The following TNFAIP8 variants were observed in gnomAD, a reference collection of about 807,000 sequenced individuals.
TNFAIP8 encodes the protein tumor necrosis factor alpha-induced protein 8.
A neutral mutation model predicts 13.3 loss-of-function variants in TNFAIP8; 7 were observed. The observed-to-expected ratio is 0.52, with a 90% CI of 0.30 to 0.99. TNFAIP8 has a LOEUF of 0.99. Among genes scored for constraint, TNFAIP8 ranks in the 50% least tolerant of loss-of-function variants. The pLI, the probability that TNFAIP8 is intolerant of heterozygous loss-of-function variation, is 0.07. For missense variants in TNFAIP8, 258 were observed against 236.9 expected, an observed-to-expected ratio of 1.09 and a Z score of -0.58; for synonymous variants, 94 against 87.6, an observed-to-expected ratio of 1.07 and a Z score of -0.41.
intron 1 of TNFAIP8, among the ~76,000 whole-genome samples, chr5:119,326,470 C>CCCAGAGGCAAA (rs1181862208): frequency 6.6e-6 from 1 of 152,124 alleles, no homozygotes; most frequent in African/African-American, 2.4e-5. Context: ...AACAGTGAAG[C>CCCAGAGGCAAA]ACGGTGGGGG....
In TNFAIP8 at chr5:119,393,042, T is replaced by C. The variant is rs754520899; in HGVS notation, c.258T>C (p.Tyr86=). 1.6e-5 allele frequency: 26 copies of C among 1,613,688 alleles called. No homozygotes were observed. The highest frequency in any genetic ancestry group is 6.7e-5 in the Admixed American group (4 of 59,962). Reference sequence around the variant, plus strand: ...CAGTCATCAAGCTGGCCATTCTTTATAGGAATAATCAGTTTAATCAAGATG... The same window carrying C: ...CAGTCATCAAGCTGGCCATTCTTTACAGGAATAATCAGTTTAATCAAGATG... The part of the protein sequence containing the change: ...IKTVIKLAIL[Y]RNNQFNQDEL... The change falls in exon 2 of 2, where the codon TAT becomes TAC. Residue 86 remains tyrosine, a synonymous_variant. Transcript: ENST00000504771.
chr5:119,363,933 AG>A (rs1751731079), intron 1 of TNFAIP8, among the ~76,000 whole-genome samples: 1 of 152,216 alleles, frequency 6.6e-6, no homozygotes, highest in African/African-American at 2.4e-5. Flanking sequence ...CATGAAACTC[AG>A]GGAAACATTT....
At chr5:119,379,385 A>G (rs62375120) in intron 1 of TNFAIP8, among the ~76,000 whole-genome samples, 2,575 of 152,352 alleles carry the variant, frequency 0.017, 46 homozygotes, top group Non-Finnish European at 0.03. Context: ...TTCACAAGAC[A>G]GAAAAGCAGG....
chr5:119,305,082 G>A (rs983131859), intron 1 of TNFAIP8, among the ~76,000 whole-genome samples: 1 of 152,098 alleles, frequency 6.6e-6, no homozygotes, highest in Non-Finnish European at 1.5e-5. Flanking sequence ...AAGAGCTATT[G>A]GAAGTGTAGA....
chr5:119,337,272 A>G (rs1013329307), intron 1 of TNFAIP8, among the ~76,000 whole-genome samples: 1 of 152,136 alleles, frequency 6.6e-6, no homozygotes. Context: ...GTATAGCACT[A>G]TTTCTTTTTT....
intron 1 of TNFAIP8, among the ~76,000 whole-genome samples, chr5:119,334,880 A>G (rs1750501391): frequency 6.6e-6 from 1 of 152,080 alleles, no homozygotes; most frequent in Non-Finnish European, 1.5e-5. Flanking sequence ...AGTTTTGGGT[A>G]GAGTTCCAAA....
intron 1 of TNFAIP8, among the ~76,000 whole-genome samples, chr5:119,385,794 T>C (rs922103151): frequency 6.6e-6 from 1 of 152,252 alleles, no homozygotes; most frequent in Non-Finnish European, 1.5e-5. Flanking sequence ...AATGTGATTC[T>C]GTACTAAAGA....
At position 119,329,486 on chromosome 5, in the gene TNFAIP8, C is replaced by G. The variant is rs1876735; in HGVS notation, c.1+60579C>G. Among the ~76,000 whole-genome samples, 709 of 152,208 alleles carry G rather than the reference C, an allele frequency of 4.7e-3. 6 individuals are homozygous for G. The highest frequency in any genetic ancestry group is 0.017 in the African/African-American group (693 of 41,526). On this transcript the variant is annotated intron_variant, in intron 1 of 1. Transcript: ENST00000274456. ...ACTACTCTACCTGGCCTTGTGAGGT[C>G]TTTTGCCTTTCTGTTAAATAGAAAG...
intron 1 of TNFAIP8, among the ~76,000 whole-genome samples, chr5:119,365,704 C>T (rs1280290558): frequency 6.6e-6 from 1 of 152,192 alleles, no homozygotes; most frequent in East Asian, 1.9e-4. Context: ...TAAGCACTTA[C>T]AAAACCATTT....
rs1581578457 is a variant in TNFAIP8 at position 119,294,556 on chromosome 5, A to G, written c.1+25649A>G. ...GCATGATTTATAGTCCTTTGGGTAT[A>G]TACCCAGTAATGGATGGCTGGGTCA... On this transcript the variant is annotated intron_variant, in intron 1 of 1. Transcript: ENST00000274456. Among the ~76,000 whole-genome samples the G allele has an allele frequency of 2.0e-5, 3 of 152,314 alleles. No homozygotes were observed. The South Asian group carries it at 6.2e-4, about 32-fold the overall frequency.
intron 1 of TNFAIP8, among the ~76,000 whole-genome samples, chr5:119,300,986 G>C (rs1055629507): frequency 6.6e-6 from 1 of 152,146 alleles, no homozygotes. Context: ...AGCATTACAA[G>C]TGGGCCCCAA....
At chr5:119,361,599 C>T (rs762081432) in intron 1 of TNFAIP8, among the ~76,000 whole-genome samples, 7 of 152,218 alleles carry the variant, frequency 4.6e-5, no homozygotes, top group Non-Finnish European at 8.8e-5. Flanking sequence ...GAATTCCCTA[C>T]GTGGCTCTGA....
chr5:119,276,147 T>C (rs1470604337), intron 1 of TNFAIP8, among the ~76,000 whole-genome samples: 1 of 151,878 alleles, frequency 6.6e-6, no homozygotes, highest in African/African-American at 2.4e-5. Context: ...AGTTGGAGTC[T>C]TGCTCTGTCT....
intron 1 of TNFAIP8, among the ~76,000 whole-genome samples, chr5:119,285,187 G>A (rs979636035): frequency 6.6e-6 from 1 of 152,124 alleles, no homozygotes; most frequent in Admixed American, 6.5e-5. Flanking sequence ...AGCAGACTGG[G>A]TATATAATAT....
At chr5:119,300,725 G>T (rs912855155) in intron 1 of TNFAIP8, among the ~76,000 whole-genome samples, 2 of 152,180 alleles carry the variant, frequency 1.3e-5, no homozygotes, top group African/African-American at 4.8e-5. Flanking sequence ...CACTGTTAGT[G>T]CTGGCTCTGC....
chr5:119,369,050 CTTTTCTTTT>C (rs1292308643), intron 1 of TNFAIP8, among the ~76,000 whole-genome samples: 5 of 139,032 alleles, frequency 3.6e-5, no homozygotes, highest in African/African-American at 1.5e-4. Flanking sequence ...CTTTTCTTTT[CTTTTCTTTT>C]TTTTTTTTTT....
At chr5:119,387,293 A>T (rs1196311234) in intron 1 of TNFAIP8, among the ~76,000 whole-genome samples, 1 of 152,186 alleles carries the variant, frequency 6.6e-6, no homozygotes, top group Non-Finnish European at 1.5e-5. Flanking sequence ...CTAAGGTTTT[A>T]TATATTTATT....
chr5:119,335,059 G>A (rs749288378), intron 1 of TNFAIP8, among the ~76,000 whole-genome samples: 2 of 152,148 alleles, frequency 1.3e-5, no homozygotes, highest in Non-Finnish European at 2.9e-5. Context: ...AAGGTTGTGC[G>A]TGCCAAGCTG....
chr5:119,364,467 C>T (rs1353044346), intron 1 of TNFAIP8, among the ~76,000 whole-genome samples: 3 of 151,846 alleles, frequency 2.0e-5, no homozygotes, highest in Non-Finnish European at 4.4e-5. Flanking sequence ...CCTACCTTAC[C>T]CTGCCAAGTA....
Sources: gnomAD v4.1 joint callset for allele counts (sites outside exome capture counted in the v4.1 genomes callset) on GRCh38, gnomAD v4.1.1 for gene constraint, MANE v1.5 for transcripts, NCBI Gene and HGNC (gene_info 2026-07-23, HGNC 2026-07-21) for gene names.